FOXJ3: variants seen among roughly 807,000 people sequenced by gnomAD.
FOXJ3 encodes forkhead box J3, also known as forkhead box protein J3.
FOXJ3 carries 22 observed loss-of-function variants against 76.1 expected under a neutral mutation model. The observed-to-expected ratio is 0.29, with a 90% confidence interval of 0.21 to 0.41. FOXJ3 has a LOEUF of 0.41. Among genes scored for constraint, FOXJ3 ranks in the 10% least tolerant of loss-of-function variants. The pLI is 1.00. For synonymous variants in FOXJ3, 269 were observed against 261.2 expected (o/e 1.03, Z -0.29); for missense variants, 613 against 762.1 (o/e 0.80, Z 2.30).
chr1:42,320,313 C>T (rs1570249793), intron 1 of FOXJ3, among the ~76,000 whole-genome samples: 1 of 152,112 alleles, frequency 6.6e-6, no homozygotes, highest in South Asian at 2.1e-4. Context: ...CACAGGCCAC[C>T]CTCTTCAAAC....
At chr1:42,299,043 G>A (rs1193697806) in intron 2 of FOXJ3, among the ~76,000 whole-genome samples, 1 of 152,136 alleles carries the variant, frequency 6.6e-6, no homozygotes, top group Admixed American at 6.5e-5. Context: ...AATGTATTGA[G>A]ACTTGCTTTA....
chr1:42,230,477 C>G (rs908231936), intron 4 of FOXJ3, among the ~76,000 whole-genome samples: 3 of 152,136 alleles, frequency 2.0e-5, no homozygotes, highest in Admixed American at 6.5e-5. Flanking sequence ...GGACCCAAGT[C>G]TAAAGCTCAA....
In FOXJ3 at chr1:42,282,488, A is replaced by T. The variant is rs189395060; in HGVS notation, c.45-3816T>A. Among the ~76,000 whole-genome samples, 4 of 152,236 alleles carry T rather than the reference A, an allele frequency of 2.6e-5. No homozygotes were observed. The East Asian group carries it at 7.7e-4, about 29-fold the overall frequency. On this transcript the variant is annotated intron_variant, in intron 2 of 12. Transcript: ENST00000361346. ...AAATTCCTAGAGCAATTACAACCTC[A>T]GTTTGGCAACTGACATGTTGTTTCA...
At chr1:42,209,377 C>A (rs1309804469) in intron 5 of FOXJ3, among the ~76,000 whole-genome samples, 2 of 152,186 alleles carry the variant, frequency 1.3e-5, no homozygotes, top group African/African-American at 4.8e-5. Flanking sequence ...TGTAGAGATT[C>A]ATGCTGTGAA....
chr1:42,317,708 T>C (rs1655201939), intron 1 of FOXJ3, among the ~76,000 whole-genome samples: 1 of 152,112 alleles, frequency 6.6e-6, no homozygotes, highest in East Asian at 1.9e-4. Flanking sequence ...AAAATTAGCA[T>C]GGATAGGGGT....
chr1:42,333,345 GTTT>G (rs568410365), intron 1 of FOXJ3, among the ~76,000 whole-genome samples: 1 of 151,656 alleles, frequency 6.6e-6, no homozygotes, highest in African/African-American at 2.4e-5. Flanking sequence ...GAAACATTAA[GTTT>G]TTTTATTTTA....
chr1:42,326,736 C>T (rs1026067920), intron 1 of FOXJ3, among the ~76,000 whole-genome samples: 7 of 152,070 alleles, frequency 4.6e-5, no homozygotes, highest in Non-Finnish European at 7.4e-5. Context: ...GGGGAGAAAC[C>T]GCTCCCATTG....
intron 3 of FOXJ3, among the ~76,000 whole-genome samples, chr1:42,267,974 C>T (rs1214693005): frequency 6.6e-6 from 1 of 151,752 alleles, no homozygotes; most frequent in Non-Finnish European, 1.5e-5. Context: ...AACAGATCAT[C>T]CAAGAACTGT....
intron 4 of FOXJ3, among the ~76,000 whole-genome samples, chr1:42,251,704 G>GTCTTT (rs1347616933): frequency 9.6e-6 from 1 of 104,596 alleles, no homozygotes; most frequent in African/African-American, 3.9e-5. Context: ...CGGTTTGCCA[G>GTCTTT]TATTTTTTTT....
At chr1:42,208,801 G>A (rs1219373695) in intron 5 of FOXJ3, among the ~76,000 whole-genome samples, 3 of 152,212 alleles carry the variant, frequency 2.0e-5, no homozygotes, top group Non-Finnish European at 4.4e-5. Flanking sequence ...TGCACTTAAT[G>A]TACTTAACCT....
chr1:42,204,682 G>C (rs752048330), intron 6 of FOXJ3, among the ~76,000 whole-genome samples: 14 of 151,954 alleles, frequency 9.2e-5, no homozygotes. Context: ...GGAATCCTGG[G>C]ATTACCACCA....
chr1:42,218,825 A>G (rs1336979499), intron 5 of FOXJ3, among the ~76,000 whole-genome samples: 1 of 152,114 alleles, frequency 6.6e-6, no homozygotes, highest in Admixed American at 6.5e-5. Context: ...GTGAAGTCCT[A>G]TCACTACTCC....
chr1:42,335,296 G>T (rs547838845), upstream of FOXJ3: 8 of 152,044 alleles, frequency 5.3e-5, no homozygotes, highest in African/African-American at 9.7e-5. Flanking sequence ...TCGCTGCGCC[G>T]CCGGCCCGGC....
At chr1:42,297,124 T>G (rs1346874347) in intron 2 of FOXJ3, among the ~76,000 whole-genome samples, 1 of 152,144 alleles carries the variant, frequency 6.6e-6, no homozygotes, top group Non-Finnish European at 1.5e-5. Context: ...CAAAGTTATT[T>G]ATAGAAATGC....
At chr1:42,241,246 T>C (rs956481406) in intron 4 of FOXJ3, among the ~76,000 whole-genome samples, 3 of 152,154 alleles carry the variant, frequency 2.0e-5, no homozygotes, top group African/African-American at 7.2e-5. Flanking sequence ...ACACACTCTC[T>C]GAAGCCTAAG....
intron 2 of FOXJ3, among the ~76,000 whole-genome samples, chr1:42,306,977 T>G (rs1056413993): frequency 2.0e-5 from 3 of 152,154 alleles, no homozygotes; most frequent in Non-Finnish European, 4.4e-5. Flanking sequence ...TGCTTTGTGG[T>G]GCTTGCACTA....
At chr1:42,269,160 T>C (rs1376509361) in intron 3 of FOXJ3, among the ~76,000 whole-genome samples, 1 of 152,028 alleles carries the variant, frequency 6.6e-6, no homozygotes, top group East Asian at 1.9e-4. Flanking sequence ...TAAAAACAAT[T>C]TAGAAAGGGG....
At chr1:42,296,428 A>C (rs1346141868) in intron 2 of FOXJ3, among the ~76,000 whole-genome samples, 2 of 152,198 alleles carry the variant, frequency 1.3e-5, no homozygotes. Flanking sequence ...TTTATAGTTT[A>C]AGGTCTTATG....
chr1:42,293,939 G>T (rs938929755), intron 2 of FOXJ3, among the ~76,000 whole-genome samples: 5 of 152,200 alleles, frequency 3.3e-5, no homozygotes, highest in Non-Finnish European at 5.9e-5. Flanking sequence ...AGGTTCTCAA[G>T]TAAGCACTAG....
Sources: allele counts gnomAD v4.1 joint callset (sites outside exome capture counted in the v4.1 genomes callset), GRCh38; gene constraint gnomAD v4.1.1; transcripts MANE v1.5; gene names NCBI Gene and HGNC (gene_info 2026-07-23, HGNC 2026-07-21).